Variants in KDM7A observed in about 807,000 individuals in gnomAD.
KDM7A encodes the protein lysine-specific demethylase 7A.
Under a neutral mutation model 114.8 loss-of-function variants are expected in KDM7A, and 28 were observed. The ratio of observed to expected loss-of-function variants is 0.24; its 90% CI spans 0.18 to 0.33. KDM7A has a LOEUF of 0.33. KDM7A is among the 10% of genes least tolerant of loss of function. The pLI, the probability that KDM7A is intolerant of heterozygous loss-of-function variation, is 1.00. For missense variants in KDM7A, 942 were observed against 1,142.5 expected (o/e 0.82, Z 2.53); for synonymous variants, 423 against 397.8 (o/e 1.06, Z -0.75).
Position 140,139,085 on chromosome 7 carries a change from T to C in KDM7A, c.280+20A>G. On this transcript the variant is annotated intron_variant, in intron 2 of 19. Coordinates refer to ENST00000397560, the MANE Select transcript of KDM7A (RefSeq NM_030647.2). ...AGTTTTTCTGAAATGTCCATTTTTA[T>C]TTAAGCATCTAGTACTTACTCAAGG... 1 of 1,516,980 alleles carries C rather than the reference T, an allele frequency of 6.6e-7. No homozygotes were observed. Among genetic ancestry groups the C allele is most frequent in the Non-Finnish European group, 9.1e-7 (1 of 1,096,036 alleles). The allele number at this position is 1,516,980 out of a possible 1,614,324, so 94.0% of individuals were successfully genotyped here.
At chr7:140,096,020 GGTC>G (rs1056771328) in intron 17 of KDM7A, among the ~76,000 whole-genome samples, 26 of 151,838 alleles carry the variant, frequency 1.7e-4, no homozygotes, top group African/African-American at 5.8e-4. Context: ...TCTTCTCCCC[GGTC>G]CTCCTCAGGC....
intron 1 of KDM7A, among the ~76,000 whole-genome samples, chr7:140,148,492 TTAGAATGAAACTG>T (rs1295987025): frequency 6.6e-6 from 1 of 152,188 alleles, no homozygotes; most frequent in Non-Finnish European, 1.5e-5. Context: ...CATAAAATGC[TTAGAATGAAACTG>T]TAGAACAATG....
At chr7:140,112,431 G>A (rs960032496) in intron 10 of KDM7A, among the ~76,000 whole-genome samples, 13 of 152,190 alleles carry the variant, frequency 8.5e-5, no homozygotes, top group African/African-American at 3.1e-4. Flanking sequence ...CCAACATGGC[G>A]AAACCTCATT....
At chr7:140,135,646 G>T (rs372050783) in intron 2 of KDM7A, among the ~76,000 whole-genome samples, 1 of 151,758 alleles carries the variant, frequency 6.6e-6, no homozygotes, top group South Asian at 2.1e-4. Flanking sequence ...ATCATTTTTT[G>T]ATTCTTAAGC....
chr7:140,140,287 T>C (rs948616852), intron 1 of KDM7A, among the ~76,000 whole-genome samples: 24 of 152,150 alleles, frequency 1.6e-4, no homozygotes, highest in African/African-American at 4.1e-4. Flanking sequence ...TACCACATTA[T>C]TAGATTAAAA....
chr7:140,166,348 T>A (rs528741969), intron 1 of KDM7A, among the ~76,000 whole-genome samples: 69 of 148,840 alleles, frequency 4.6e-4, no homozygotes, highest in Admixed American at 2.1e-3. Flanking sequence ...TTTTTTTTTT[T>A]TTTTTTTTTG....
rs985586264 is a variant in KDM7A at position 140,096,936 on chromosome 7, T to A, written c.2128A>T (p.Ser710Cys). ...SNVMRNFLQKSQKPSRSEIPI... is the reference protein window; with the variant it reads ...SNVMRNFLQKCQKPSRSEIPI... ...ATTTCACTTCTAGATGGCTTCTGGC[T>A]CTTTTGAAGGAAGTTCCTCATCACA... Residue 710 changes from serine (S) to cysteine (C), a missense_variant, in exon 16 of 20, where the codon AGC (serine) becomes TGC (cysteine). Transcript: ENST00000397560. 1 of 1,613,948 alleles carries A rather than the reference T, an allele frequency of 6.2e-7. No individual in the cohort carries two copies. Among genetic ancestry groups the A allele is most frequent in the Non-Finnish European group, 8.5e-7 (1 of 1,179,878 alleles).
rs1364369866 is a variant in KDM7A at position 140,085,615 on chromosome 7, T to C, written c.*5479A>G. On this transcript the variant is annotated 3_prime_UTR_variant, in exon 20 of 20. Coordinates refer to ENST00000397560, the MANE Select transcript of KDM7A (RefSeq NM_030647.2). ...TCAGTGCTATTTCATACCTAACAAC[T>C]GTATGACTTGCTTTTGCAGTCAGAA... 1 of 152,246 alleles carries C rather than the reference T, an allele frequency of 6.6e-6. No individual in the cohort carries two copies. Among genetic ancestry groups the C allele is most frequent in the Non-Finnish European group, 1.5e-5 (1 of 68,040 alleles). The allele number at this position is 152,246 out of a possible 1,614,324, so 9.4% of individuals were successfully genotyped here. A position where few individuals can be genotyped will look rare whatever the true frequency, so the allele number is the denominator to read the frequency against.
chr7:140,114,905 G>A lies in KDM7A; in HGVS notation c.1247-1323C>T, dbSNP rs75740188. ...AGCCCCTCCGCCCGGAAGCCGCCCCGTCTGAGAAGTGAGGAGCCCCTCCGC... is the reference window on the plus strand; with the variant it reads ...AGCCCCTCCGCCCGGAAGCCGCCCCATCTGAGAAGTGAGGAGCCCCTCCGC... On this transcript the variant is annotated intron_variant, in intron 9 of 19. Transcript: ENST00000397560. Among the ~76,000 whole-genome samples, 6 of 70,984 alleles carry A rather than the reference G, an allele frequency of 8.5e-5. No homozygotes were observed. The South Asian group carries it at 2.0e-3, about 24-fold the overall frequency. 46.6% of individuals were successfully genotyped at this position (70,984 alleles called of 152,430 possible).
intron 11 of KDM7A, among the ~76,000 whole-genome samples, chr7:140,103,350 C>T (rs1006221549): frequency 6.6e-6 from 1 of 151,640 alleles, no homozygotes; most frequent in African/African-American, 2.4e-5. Context: ...TTCTAGGGTA[C>T]ATGTGCACAA....
chr7:140,146,177 G>T (rs200760678), intron 1 of KDM7A, among the ~76,000 whole-genome samples: 2 of 152,020 alleles, frequency 1.3e-5, no homozygotes, highest in East Asian at 3.8e-4. Flanking sequence ...ATGAAATCTG[G>T]TAAACTAGTA....
At chr7:140,105,920 G>A (rs1818328936) in intron 11 of KDM7A, among the ~76,000 whole-genome samples, 1 of 152,104 alleles carries the variant, frequency 6.6e-6, no homozygotes, top group African/African-American at 2.4e-5. Context: ...GTCTGGTCCT[G>A]GACTTTTTTT....
chr7:140,112,546 G>T (rs556539638), intron 10 of KDM7A, among the ~76,000 whole-genome samples: 1 of 152,052 alleles, frequency 6.6e-6, no homozygotes, highest in South Asian at 2.1e-4. Flanking sequence ...AGGAGGCGTA[G>T]GTTGCAGCGA....
At chr7:140,165,576 T>C (rs1170906821) in intron 1 of KDM7A, among the ~76,000 whole-genome samples, 1 of 152,196 alleles carries the variant, frequency 6.6e-6, no homozygotes, top group Non-Finnish European at 1.5e-5. Context: ...CTGCCTGCCG[T>C]CCTGAGCATC....
chr7:140,107,405 G>A (rs1385850403), intron 11 of KDM7A, among the ~76,000 whole-genome samples: 1 of 152,154 alleles, frequency 6.6e-6, no homozygotes, highest in Non-Finnish European at 1.5e-5. Context: ...TGCAGTGGCT[G>A]GTCTCAGTTG....
chr7:140,110,113 T>C (rs961368866), intron 11 of KDM7A, among the ~76,000 whole-genome samples: 24 of 143,264 alleles, frequency 1.7e-4, no homozygotes, highest in Middle Eastern at 3.5e-3. Context: ...AAATTTGTAA[T>C]ACTAATTTAG....
chr7:140,135,363 C>A (rs534041914), intron 2 of KDM7A, among the ~76,000 whole-genome samples: 60 of 151,960 alleles, frequency 3.9e-4, no homozygotes, highest in Admixed American at 7.9e-4. Context: ...CCACCACATT[C>A]GGCTAATTTT....
intron 1 of KDM7A, among the ~76,000 whole-genome samples, chr7:140,165,630 C>A (rs1339368843): frequency 2.0e-5 from 3 of 152,132 alleles, no homozygotes; most frequent in African/African-American, 7.2e-5. Flanking sequence ...TGAATCATCC[C>A]TCTGTTAGTG....
intron 1 of KDM7A, among the ~76,000 whole-genome samples, chr7:140,143,877 C>T (rs957862854): frequency 1.3e-5 from 2 of 152,228 alleles, no homozygotes; most frequent in Non-Finnish European, 2.9e-5. Context: ...TTTGGATTTA[C>T]ATCACTTTTC....
Sources: gnomAD v4.1 joint callset for allele counts (sites outside exome capture counted in the v4.1 genomes callset) on GRCh38, gnomAD v4.1.1 for gene constraint, MANE v1.5 for transcripts, NCBI Gene and HGNC (gene_info 2026-07-23, HGNC 2026-07-21) for gene names.